Variants in PLCG2 observed in about 807,000 individuals in gnomAD.
PLCG2 encodes the protein phospholipase C gamma 2, also known as 1-phosphatidylinositol 4,5-bisphosphate phosphodiesterase gamma-2.
In PLCG2, 69 loss-of-function variants were observed where a neutral mutation model predicts 175.6. The observed-to-expected ratio is 0.39, with a 90% confidence interval of 0.32 to 0.48. The LOEUF is 0.48. Among genes scored for constraint, PLCG2 ranks in the 20% least tolerant of loss-of-function variants. The pLI, the probability that PLCG2 is intolerant of heterozygous loss-of-function variation, is 0.91. For synonymous variants in PLCG2, 827 were observed against 624.0 expected (o/e 1.33, Z -4.85); for missense variants, 1,798 against 1,650.9 (o/e 1.09, Z -1.54).
At chr16:81,938,982 C>G in intron 29 of PLCG2, 67 bp downstream of exon 29, 1 of 872,480 alleles carries the variant, frequency 1.1e-6, no homozygotes, top group East Asian at 2.5e-5. Context: ...TGGGAGTGCT[C>G]TTCGTGGGGG....
Position 81,958,190 on chromosome 16 carries a change from A to C in PLCG2, c.*192A>C. ...TTTCCTATTATTTTCATCTTGGACA[A>C]CTTTCTTAACTTATATTCTTTATAG... On this transcript the variant is annotated 3_prime_UTR_variant, in exon 33 of 33. Transcript: ENST00000564138. 1.3e-5 allele frequency: 8 copies of C among 596,182 alleles called. No individual in the cohort carries two copies. In the South Asian group the frequency reaches 1.5e-4, roughly 11 times the overall value. The allele number at this position is 596,182 out of a possible 1,614,324, so 36.9% of individuals were successfully genotyped here.
chr16:81,941,703 C>T (rs1287474980), intron 30 of PLCG2, among the ~76,000 whole-genome samples: 3 of 146,258 alleles, frequency 2.1e-5, no homozygotes, highest in Non-Finnish European at 4.5e-5. Context: ...TAAACTCCCC[C>T]TTTTTTTTTT....
At chr16:81,887,487 G>T (rs977834981) in intron 9 of PLCG2, among the ~76,000 whole-genome samples, 7 of 152,174 alleles carry the variant, frequency 4.6e-5, no homozygotes, top group Admixed American at 4.6e-4. Flanking sequence ...TGACACCTCT[G>T]TATTCAAATG....
chr16:81,933,132 T>G (rs1238905197), intron 25 of PLCG2, among the ~76,000 whole-genome samples: 2 of 152,248 alleles, frequency 1.3e-5, no homozygotes, highest in African/African-American at 4.8e-5. Flanking sequence ...CTGTTCAAGG[T>G]TGCTGTTGGC....
At chr16:81,760,531 A>G (rs1336316591) in intron 2 of PLCG2, among the ~76,000 whole-genome samples, 1 of 152,086 alleles carries the variant, frequency 6.6e-6, no homozygotes, top group Non-Finnish European at 1.5e-5. Context: ...TTCTTTGGCT[A>G]GGTGTGGCCT....
chr16:81,956,889 C>A lies in PLCG2; in HGVS notation c.3755+10C>A. 1 of 1,608,852 alleles carries A rather than the reference C, an allele frequency of 6.2e-7. No homozygotes were observed. Among genetic ancestry groups the A allele is most frequent in the Non-Finnish European group, 8.5e-7 (1 of 1,176,046 alleles). On this transcript the variant is annotated intron_variant, in intron 32 of 32. Coordinates refer to ENST00000564138, the MANE Select transcript of PLCG2 (RefSeq NM_002661.5). Reference sequence around the variant, plus strand: ...AGAAATGCAACAAGAGGTAGGTCAGCCCCTCCACCTGCAAAAACTTTTGGG... The same window carrying A: ...AGAAATGCAACAAGAGGTAGGTCAGACCCTCCACCTGCAAAAACTTTTGGG...
At chr16:81,859,037 T>C in intron 4 of PLCG2, 79 bp from the exon 5 acceptor site, 1 of 851,698 alleles carries the variant, frequency 1.2e-6, no homozygotes. Context: ...TTTGTGCACA[T>C]TCCGTAGGAC....
chr16:81,760,970 C>G (rs1261776837), intron 2 of PLCG2, among the ~76,000 whole-genome samples: 1 of 152,094 alleles, frequency 6.6e-6, no homozygotes, highest in African/African-American at 2.4e-5. Flanking sequence ...GTGGCGTGAT[C>G]TCAGCTCACG....
upstream of PLCG2, among the ~76,000 whole-genome samples, chr16:81,777,762 T>C (rs1910463016): frequency 6.6e-6 from 1 of 151,956 alleles, no homozygotes; most frequent in Admixed American, 6.6e-5. Flanking sequence ...ATGCCTGTAA[T>C]CCCAGCACTT....
Position 81,931,659 on chromosome 16 carries a change from G to A in PLCG2, c.2739+5G>A. 1 of 1,612,632 alleles carries A rather than the reference G, an allele frequency of 6.2e-7. No homozygotes were observed. The highest frequency in any genetic ancestry group is 2.2e-5 in the East Asian group (1 of 44,836). On this transcript the variant is annotated splice_donor_5th_base_variant and intron_variant, in intron 25 of 32. Transcript: ENST00000564138. Reference sequence around the variant, plus strand: ...ACCTGGAAGATTGACACCAAGGTAGGCACCTGCTCACCCGGGTGCAGGTGG... The same window carrying A: ...ACCTGGAAGATTGACACCAAGGTAGACACCTGCTCACCCGGGTGCAGGTGG...
At position 81,912,719 on chromosome 16, in the gene PLCG2, G is replaced by A. The variant is rs1278589554; in HGVS notation, c.2054+3G>A. ...GACTCCTATGCCATCACCTTCAGGTGGGTGCGAGGGTGGGAGGCACATGCT... is the reference window on the plus strand; with the variant it reads ...GACTCCTATGCCATCACCTTCAGGTAGGTGCGAGGGTGGGAGGCACATGCT... On this transcript the variant is annotated splice_donor_region_variant and intron_variant, in intron 19 of 32. Transcript: ENST00000564138. 1 of 1,593,804 alleles carries A rather than the reference G, an allele frequency of 6.3e-7. No homozygotes were observed. The highest frequency in any genetic ancestry group is 1.7e-5 in the Admixed American group (1 of 57,792).
intron 19 of PLCG2, among the ~76,000 whole-genome samples, chr16:81,918,543 A>C (rs1452472906): frequency 6.6e-6 from 1 of 152,186 alleles, no homozygotes; most frequent in East Asian, 1.9e-4. Context: ...TCTTTATTGA[A>C]GATCAGTTGA....
At chr16:81,874,956 T>TTTTTTTGTTC (rs1907701295) in intron 7 of PLCG2, among the ~76,000 whole-genome samples, 2 of 41,644 alleles carry the variant, frequency 4.8e-5, no homozygotes, top group Non-Finnish European at 6.8e-5. Context: ...GTGTTTTTTT[T>TTTTTTTGTTC]TTTTTTTTTT....
chr16:81,751,926 G>T (rs1238770902), intron 1 of PLCG2, among the ~76,000 whole-genome samples: 8 of 152,116 alleles, frequency 5.3e-5, no homozygotes, highest in African/African-American at 1.9e-4. Context: ...GGAGGCTGAG[G>T]TGGGAGATTT....
At chr16:81,807,208 T>G (rs1328601226) in intron 2 of PLCG2, among the ~76,000 whole-genome samples, 2 of 139,536 alleles carry the variant, frequency 1.4e-5, no homozygotes, top group African/African-American at 4.9e-5. Flanking sequence ...CCCCATGTCT[T>G]GTCCCAGCGG....
At chr16:81,845,118 T>C (rs1906045593) in intron 2 of PLCG2, among the ~76,000 whole-genome samples, 1 of 152,150 alleles carries the variant, frequency 6.6e-6, no homozygotes. Flanking sequence ...TTTGTATTTT[T>C]TTTTAGAGAT....
intron 13 of PLCG2, among the ~76,000 whole-genome samples, chr16:81,899,307 AAT>A (rs1436371215): frequency 6.7e-6 from 1 of 149,586 alleles, no homozygotes; most frequent in Non-Finnish European, 1.5e-5. Flanking sequence ...CACACACATA[AAT>A]ATATATGTGT....
At chr16:81,883,200 T>C in intron 8 of PLCG2, 69 bp from the exon 9 acceptor site, 6 of 1,400,078 alleles carry the variant, frequency 4.3e-6, no homozygotes, top group Non-Finnish European at 5.1e-6. Flanking sequence ...CCCCATTGGC[T>C]GGCATCTCCT....
At chr16:81,941,443 T>G (rs1910935056) in intron 30 of PLCG2, among the ~76,000 whole-genome samples, 1 of 152,218 alleles carries the variant, frequency 6.6e-6, no homozygotes, top group Non-Finnish European at 1.5e-5. Flanking sequence ...AGATGGTGCT[T>G]GGATGGCACT....
Sources: gnomAD v4.1 joint callset for allele counts (sites outside exome capture counted in the v4.1 genomes callset) on GRCh38, gnomAD v4.1.1 for gene constraint, MANE v1.5 for transcripts, NCBI Gene and HGNC (gene_info 2026-07-23, HGNC 2026-07-21) for gene names.